The following SLF2 variants were observed in gnomAD, a reference collection of about 807,000 sequenced individuals.
The protein encoded by SLF2 is SMC5/6 complex localization factor 2.
In SLF2, 68 loss-of-function variants were observed where a neutral mutation model predicts 124.3. The ratio of observed to expected loss-of-function variants is 0.55; its 90% CI spans 0.45 to 0.67. SLF2 has a LOEUF of 0.67. Among genes scored for constraint, SLF2 ranks in the 30% least tolerant of loss-of-function variants. The pLI is 0.00. For missense variants in SLF2, 1,246 were observed against 1,373.7 expected, an observed-to-expected ratio of 0.91 and a Z score of 1.47; for synonymous variants, 480 against 478.8, an observed-to-expected ratio of 1.00 and a Z score of -0.03.
At chr10:100,917,732 A>C (rs1237363173) in intron 3 of SLF2, among the ~76,000 whole-genome samples, 9 of 151,992 alleles carry the variant, frequency 5.9e-5, no homozygotes, top group African/African-American at 2.2e-4. Flanking sequence ...ACCTGCCACC[A>C]TATTTGACTA....
Position 100,924,251 on chromosome 10 carries a change from A to G in SLF2, c.1250A>G (p.His417Arg), listed in dbSNP as rs1295282482. The change falls in exon 5 of 20, where the codon CAC becomes CGC. Residue 417 changes from histidine (H) to arginine (R), a missense_variant. By Grantham distance (29) the His-to-Arg change is conservative. Around this residue, in one of 3 missense-constraint regions of SLF2, gnomAD observed 698 missense variants for 708.9 expected, o/e 0.98. Coordinates refer to ENST00000238961, the MANE Select transcript of SLF2 (RefSeq NM_018121.4). The stretch of plus-strand genomic sequence containing the variant: ...CCTTCAAATTCTGGCAATTCTGGCC[A>G]CCATTCTACCAGGAATAGTGACCAA... ...LAPSNSGNSG[H>R]HSTRNSDQIQ... is the part of the protein sequence containing the mutation. 1 of 1,614,148 alleles carries G rather than the reference A, an allele frequency of 6.2e-7. No individual in the cohort carries two copies. Among genetic ancestry groups the G allele is most frequent in the Admixed American group, 1.7e-5 (1 of 60,024 alleles).
At chr10:100,946,325 CTT>C (rs34242980) in intron 13 of SLF2, among the ~76,000 whole-genome samples, 4 of 124,936 alleles carry the variant, frequency 3.2e-5, no homozygotes, top group Middle Eastern at 4.1e-3. Flanking sequence ...GGGTGTTAGG[CTT>C]TTTTTTTTTT....
rs71013477 is a variant in SLF2 at position 100,957,330 on chromosome 10, A to ATTTTTTT, written c.3417+824_3417+830dup. ...AATATGTTAAAGGAAGGAGTCTTCA[A>ATTTTTTT]TTTTTTTTTTTTTTTTTTTTTTTTT... On this transcript the variant is annotated intron_variant, in intron 18 of 19. Transcript: ENST00000238961. Among the ~76,000 whole-genome samples, 14 of 91,862 alleles carry ATTTTTTT rather than the reference A, an allele frequency of 1.5e-4. 3 individuals carry two copies. The highest frequency in any genetic ancestry group is 3.2e-4 in the South Asian group (1 of 3,160). 60.3% of individuals were successfully genotyped at this position (91,862 alleles called of 152,430 possible). A position where few individuals can be genotyped will look rare whatever the true frequency, so the allele number is the denominator to read the frequency against.
At position 100,917,025 on chromosome 10, in the gene SLF2, A is replaced by G. The variant is rs1312028928; in HGVS notation, c.640A>G (p.Arg214Gly). The stretch of plus-strand genomic sequence containing the variant: ...AGCTGACATCTTCAATAACAGCTCC[A>G]GAAGCCTTAGCAGCAGGAGCAGCCT... ...AEADIFNNSS[R>G]SLSSRSSLSR... The change falls in exon 3 of 20, where the codon AGA becomes GGA. Residue 214 changes from arginine (R) to glycine (G), a missense_variant. Arg to Gly is a moderately radical substitution (Grantham distance 125). This residue lies in a region of SLF2 where 698 missense variants were observed against 708.9 expected (regional missense o/e 0.98). Coordinates refer to ENST00000238961, the MANE Select transcript of SLF2 (RefSeq NM_018121.4). 3.7e-6 allele frequency: 6 copies of G among 1,614,122 alleles called. No individual in the cohort carries two copies. The South Asian group carries it at 6.6e-5, about 18-fold the overall frequency.
chr10:100,932,578 A>G (rs764331718), intron 9 of SLF2, among the ~76,000 whole-genome samples: 1 of 152,192 alleles, frequency 6.6e-6, no homozygotes, highest in Non-Finnish European at 1.5e-5. Context: ...ATTGTTTTAT[A>G]TAGTTGGCAT....
chr10:100,941,352 G>A (rs1008293910), intron 11 of SLF2, among the ~76,000 whole-genome samples: 1 of 152,126 alleles, frequency 6.6e-6, no homozygotes, highest in African/African-American at 2.4e-5. Context: ...TAGATACATA[G>A]ACTTAAAATT....
At chr10:100,918,522 A>C (rs1160967362) in intron 4 of SLF2, 81 bp downstream of exon 4, 1 of 891,876 alleles carries the variant, frequency 1.1e-6, no homozygotes, top group Non-Finnish European at 1.7e-6. Context: ...ATTTGTTTAA[A>C]TATGCAGTTC....
intron 11 of SLF2, among the ~76,000 whole-genome samples, chr10:100,940,519 C>G (rs1849948899): frequency 6.6e-6 from 1 of 152,074 alleles, no homozygotes; most frequent in Non-Finnish European, 1.5e-5. Flanking sequence ...ACCACCACGC[C>G]CAGCTAATAT....
intron 9 of SLF2, among the ~76,000 whole-genome samples, chr10:100,935,055 A>AT (rs1004129101): frequency 6.6e-6 from 1 of 152,062 alleles, no homozygotes; most frequent in African/African-American, 2.4e-5. Flanking sequence ...ATTTAAAAAA[A>AT]TTTTTTTTAA....
At chr10:100,942,322 A>G (rs1849996898) in intron 11 of SLF2, among the ~76,000 whole-genome samples, 1 of 152,180 alleles carries the variant, frequency 6.6e-6, no homozygotes, top group South Asian at 2.1e-4. Flanking sequence ...TTTATGTTCA[A>G]TAATATGCTA....
intron 11 of SLF2, among the ~76,000 whole-genome samples, chr10:100,942,850 A>C (rs1850008362): frequency 6.6e-6 from 1 of 152,010 alleles, no homozygotes; most frequent in Admixed American, 6.6e-5. Flanking sequence ...GCTAGTCTTG[A>C]TCTCCTGGGC....
chr10:100,926,620 TG>T (rs936822537), intron 6 of SLF2: 2 of 142,996 alleles, frequency 1.4e-5, no homozygotes, highest in East Asian at 2.0e-4. Flanking sequence ...AAAAAAAAAG[TG>T]GGGGGCCAGG....
At chr10:100,923,426 A>G (rs929407729) in intron 4 of SLF2, among the ~76,000 whole-genome samples, 1 of 151,698 alleles carries the variant, frequency 6.6e-6, no homozygotes, top group Non-Finnish European at 1.5e-5. Context: ...TTCACCTTGT[A>G]TTCCCTCTGT....
intron 2 of SLF2, 150 bp downstream of exon 2, chr10:100,916,192 G>C: frequency 1.7e-6 from 1 of 592,352 alleles, no homozygotes; most frequent in Admixed American, 3.2e-5. Context: ...GTTTTACAAG[G>C]ATAAACTGAA....
intron 4 of SLF2, among the ~76,000 whole-genome samples, chr10:100,922,356 C>T (rs929805200): frequency 6.6e-6 from 1 of 152,198 alleles, no homozygotes; most frequent in African/African-American, 2.4e-5. Context: ...AGCCACTAGA[C>T]ATGGCCAAAA....
At chr10:100,943,524 C>G (rs1279315030) in intron 11 of SLF2, 1 of 152,204 alleles carries the variant, frequency 6.6e-6, no homozygotes, top group Non-Finnish European at 1.5e-5. Flanking sequence ...GTTCATGCAT[C>G]TCCTTTTTCA....
chr10:100,931,054 C>G lies in SLF2; in HGVS notation c.2412C>G (p.Val804=). The G allele has an allele frequency of 1.2e-6, 2 of 1,613,604 alleles. No individual in the cohort carries two copies. Among genetic ancestry groups the G allele is most frequent in the Admixed American group, 3.3e-5 (2 of 59,944 alleles). The change falls in exon 9 of 20, where the codon GTC becomes GTG. Residue 804 remains valine (V), a synonymous_variant. Transcript: ENST00000238961. ...TSAYHYVQCP[V]PVLKWLFRMM... ...CTTATCACTATGTCCAGTGTCCTGT[C>G]CCTGTGTTAAAGTGGCTGTTTCGGG...
intron 17 of SLF2, 24 bp from the exon 18 acceptor site, chr10:100,956,427 A>G: frequency 4.5e-6 from 7 of 1,546,384 alleles, no homozygotes; most frequent in Non-Finnish European, 6.2e-6. Context: ...AATTGTTTTC[A>G]TCCCTTGCAT....
At chr10:100,925,826 A>G (rs886151590) in intron 5 of SLF2, 123 bp from the exon 6 acceptor site, 96 of 918,600 alleles carry the variant, frequency 1.0e-4, no homozygotes, top group Non-Finnish European at 1.4e-4. Flanking sequence ...CCTTTAAGAA[A>G]GGTGTTATCC....
Sources: gnomAD v4.1 joint callset for allele counts (sites outside exome capture counted in the v4.1 genomes callset) on GRCh38, gnomAD v4.1.1 for gene constraint, gnomAD v4.1.1 regional missense constraint, MANE v1.5 for transcripts, NCBI Gene and HGNC (gene_info 2026-07-23, HGNC 2026-07-21) for gene names.